The following HS3ST4 variants were observed in gnomAD, a reference collection of about 807,000 sequenced individuals.
HS3ST4 encodes the protein heparan sulfate glucosamine 3-O-sulfotransferase 4.
HS3ST4 carries 17 observed loss-of-function variants against 29.2 expected under a neutral mutation model. The ratio of observed to expected loss-of-function variants is 0.58; its 90% CI spans 0.40 to 0.87. HS3ST4 has a LOEUF of 0.87. Ranked by LOEUF, HS3ST4 falls within the 40% of genes least tolerant of loss-of-function variation. The pLI is 0.00. For synonymous variants in HS3ST4, 314 were observed against 285.7 expected (o/e 1.10, Z -1.00); for missense variants, 627 against 634.5 (o/e 0.99, Z 0.13).
intron 1 of HS3ST4, among the ~76,000 whole-genome samples, chr16:25,822,614 A>G (rs924272123): frequency 6.6e-6 from 1 of 152,166 alleles, no homozygotes; most frequent in African/African-American, 2.4e-5. Context: ...TCTGCTGAGG[A>G]CCACTGGGTT....
intron 1 of HS3ST4, among the ~76,000 whole-genome samples, chr16:26,021,371 A>G (rs982831958): frequency 1.3e-5 from 2 of 152,218 alleles, no homozygotes; most frequent in Non-Finnish European, 2.9e-5. Context: ...TGGGACAGAC[A>G]TTCTTTCCTG....
intron 1 of HS3ST4, among the ~76,000 whole-genome samples, chr16:25,857,135 C>T (rs1967580779): frequency 6.6e-6 from 1 of 152,176 alleles, no homozygotes; most frequent in African/African-American, 2.4e-5. Context: ...GAGTTGCTCA[C>T]TCTCATGTTA....
At chr16:26,113,502 G>GTC (rs1899162313) in intron 1 of HS3ST4, among the ~76,000 whole-genome samples, 1 of 151,298 alleles carries the variant, frequency 6.6e-6, no homozygotes, top group African/African-American at 2.4e-5. Context: ...GTGTGTGTGT[G>GTC]TGTGTGTATG....
chr16:25,870,895 A>T (rs1003947160), intron 1 of HS3ST4, among the ~76,000 whole-genome samples: 4 of 152,226 alleles, frequency 2.6e-5, no homozygotes, highest in African/African-American at 9.6e-5. Context: ...TGTACGGCAC[A>T]TGAGAGAGAT....
chr16:25,727,812 G>A (rs987413592), intron 1 of HS3ST4, among the ~76,000 whole-genome samples: 1 of 152,138 alleles, frequency 6.6e-6, no homozygotes, highest in Non-Finnish European at 1.5e-5. Flanking sequence ...TCATTCAGGT[G>A]TTTTATGGAA....
chr16:25,970,227 G>A (rs1968882842), intron 1 of HS3ST4, among the ~76,000 whole-genome samples: 1 of 152,208 alleles, frequency 6.6e-6, no homozygotes, highest in Non-Finnish European at 1.5e-5. Flanking sequence ...TGCATGGGCT[G>A]CATTACCTGT....
chr16:25,959,265 T>A (rs1968769804), intron 1 of HS3ST4, among the ~76,000 whole-genome samples: 1 of 152,198 alleles, frequency 6.6e-6, no homozygotes, highest in African/African-American at 2.4e-5. Flanking sequence ...AAGTTGGGTC[T>A]GAAAAACATT....
At chr16:25,995,397 T>C (rs377042017) in intron 1 of HS3ST4, among the ~76,000 whole-genome samples, 1 of 152,216 alleles carries the variant, frequency 6.6e-6, no homozygotes, top group Admixed American at 6.5e-5. Context: ...ATGCTTTTTA[T>C]CTATTCTGCG....
rs1226538836 is a variant in HS3ST4 at position 25,693,047 on chromosome 16, C to T, written c.630C>T (p.Thr210=). The T allele has an allele frequency of 6.2e-7, 1 of 1,610,182 alleles. No homozygotes were observed. The highest frequency in any genetic ancestry group is 8.5e-7 in the Non-Finnish European group (1 of 1,178,580). Residue 210 remains threonine, a synonymous_variant, in exon 1 of 2, where the codon ACC becomes ACT. Coordinates refer to ENST00000331351, the MANE Select transcript of HS3ST4 (RefSeq NM_006040.3). ...TCATCGGGGTCAAGAAAGGAGGGAC[C>T]CGCGCGCTGCTGGAGGCGATCCGCG... The part of the protein sequence containing the change: ...ALIIGVKKGG[T]RALLEAIRVH...
chr16:25,993,434 T>C (rs976835652), intron 1 of HS3ST4, among the ~76,000 whole-genome samples: 2 of 152,194 alleles, frequency 1.3e-5, no homozygotes, highest in East Asian at 1.9e-4. Flanking sequence ...CACTGGACTT[T>C]GGAGGTGCGG....
At chr16:25,748,199 T>G (rs898425505) in intron 1 of HS3ST4, among the ~76,000 whole-genome samples, 1 of 152,188 alleles carries the variant, frequency 6.6e-6, no homozygotes, top group Non-Finnish European at 1.5e-5. Flanking sequence ...TGGGTGGGCG[T>G]GCTCACATAT....
chr16:25,821,279 G>T (rs144853768), intron 1 of HS3ST4, among the ~76,000 whole-genome samples: 3 of 151,898 alleles, frequency 2.0e-5, no homozygotes, highest in Admixed American at 6.6e-5. Context: ...GGATGGTCTC[G>T]ATCTCCTGAC....
chr16:26,009,363 T>C (rs1270010467), intron 1 of HS3ST4, among the ~76,000 whole-genome samples: 3 of 152,240 alleles, frequency 2.0e-5, no homozygotes, highest in African/African-American at 4.8e-5. Context: ...ATTTTACTCA[T>C]TGTTCTATCT....
intron 1 of HS3ST4, among the ~76,000 whole-genome samples, chr16:25,981,490 C>T (rs755077189): frequency 3.3e-5 from 5 of 152,102 alleles, no homozygotes; most frequent in Non-Finnish European, 7.3e-5. Flanking sequence ...TAGAAAGACA[C>T]GCTTAATACA....
At chr16:25,766,376 A>G (rs1421018982) in intron 1 of HS3ST4, among the ~76,000 whole-genome samples, 1 of 152,190 alleles carries the variant, frequency 6.6e-6, no homozygotes, top group Non-Finnish European at 1.5e-5. Context: ...GGGACAAATG[A>G]GGAATATAAC....
chr16:25,908,627 A>G (rs1373122640), intron 1 of HS3ST4, among the ~76,000 whole-genome samples: 1 of 152,246 alleles, frequency 6.6e-6, no homozygotes, highest in Non-Finnish European at 1.5e-5. Flanking sequence ...ATGAGCCAGG[A>G]TGAGGACAAA....
At chr16:26,082,962 G>A (rs1299351869) in intron 1 of HS3ST4, among the ~76,000 whole-genome samples, 1 of 152,224 alleles carries the variant, frequency 6.6e-6, no homozygotes, top group Non-Finnish European at 1.5e-5. Flanking sequence ...CATCACAGGG[G>A]TTTGTCGTAA....
intron 1 of HS3ST4, among the ~76,000 whole-genome samples, chr16:25,775,537 AT>A (rs1966846829): frequency 6.6e-6 from 1 of 152,166 alleles, no homozygotes; most frequent in African/African-American, 2.4e-5. Flanking sequence ...GGTGCCCCAC[AT>A]CTTGCTGTGT....
intron 1 of HS3ST4, among the ~76,000 whole-genome samples, chr16:25,700,305 T>C (rs1308109297): frequency 6.6e-6 from 1 of 152,138 alleles, no homozygotes; most frequent in Non-Finnish European, 1.5e-5. Flanking sequence ...CTCTTGAGCC[T>C]CCAGTAGGAA....
Sources: gnomAD v4.1 joint callset for allele counts (sites outside exome capture counted in the v4.1 genomes callset) on GRCh38, gnomAD v4.1.1 for gene constraint, MANE v1.5 for transcripts, NCBI Gene and HGNC (gene_info 2026-07-23, HGNC 2026-07-21) for gene names.